The following CAMKMT variants were observed in gnomAD, a reference collection of about 807,000 sequenced individuals.
The protein encoded by CAMKMT is CaM KMT.
Under a neutral mutation model 48.0 loss-of-function variants are expected in CAMKMT, and 53 were observed. The ratio of observed to expected loss-of-function variants is 1.10; its 90% confidence interval spans 0.89 to 1.39. The LOEUF (loss-of-function observed/expected upper bound fraction) is 1.39. CAMKMT is among the 40% of genes most tolerant of loss of function. The pLI, the probability that CAMKMT is intolerant of heterozygous loss-of-function variation, is 0.00. For synonymous variants in CAMKMT, 165 were observed against 152.3 expected, an observed-to-expected ratio of 1.08 and a Z score of -0.61; for missense variants, 428 against 402.7, an observed-to-expected ratio of 1.06 and a Z score of -0.54.
At chr2:44,659,075 G>GTTTTT (rs1192483405) in intron 3 of CAMKMT, among the ~76,000 whole-genome samples, 6 of 86,336 alleles carry the variant, frequency 6.9e-5, no homozygotes, top group African/African-American at 9.4e-5. Context: ...TGTGTGTGTA[G>GTTTTT]TTTTTTTTTT....
intron 3 of CAMKMT, among the ~76,000 whole-genome samples, chr2:44,403,999 C>T (rs1254378563): frequency 1.3e-5 from 2 of 152,126 alleles, no homozygotes; most frequent in African/African-American, 4.8e-5. Context: ...TTGGTCCTTT[C>T]TATGTTTACC....
intron 3 of CAMKMT, among the ~76,000 whole-genome samples, chr2:44,603,586 C>T (rs1279923562): frequency 1.8e-4 from 28 of 152,314 alleles, no homozygotes; most frequent in Middle Eastern, 3.4e-3. Context: ...TTTCTGCTTA[C>T]TTCACTAGAG....
intron 3 of CAMKMT, among the ~76,000 whole-genome samples, chr2:44,417,046 A>T (rs1356747186): frequency 6.6e-6 from 1 of 151,462 alleles, no homozygotes; most frequent in Non-Finnish European, 1.5e-5. Context: ...TGATCCTCCT[A>T]CCTTAGCCTC....
intron 3 of CAMKMT, among the ~76,000 whole-genome samples, chr2:44,553,179 G>A (rs571038351): frequency 1.3e-5 from 2 of 152,122 alleles, no homozygotes; most frequent in Non-Finnish European, 2.9e-5. Flanking sequence ...TGACCAATAC[G>A]ATACTATACT....
At chr2:44,564,153 C>G (rs1308323356) in intron 3 of CAMKMT, among the ~76,000 whole-genome samples, 3 of 150,006 alleles carry the variant, frequency 2.0e-5, no homozygotes, top group Non-Finnish European at 4.4e-5. Context: ...AGTTGGGGTT[C>G]AAAGCATACT....
At chr2:44,656,365 T>TTA (rs1553433140) in intron 3 of CAMKMT, among the ~76,000 whole-genome samples, 16 of 151,938 alleles carry the variant, frequency 1.1e-4, no homozygotes, top group African/African-American at 3.9e-4. Flanking sequence ...CTTTTTTTTT[T>TTA]AAAAAAATGA....
intron 10 of CAMKMT, among the ~76,000 whole-genome samples, chr2:44,768,856 C>G (rs576927360): frequency 2.6e-5 from 4 of 152,256 alleles, no homozygotes; most frequent in African/African-American, 9.6e-5. Context: ...GCGGCGTTTT[C>G]CTTCAGGCTG....
intron 3 of CAMKMT, among the ~76,000 whole-genome samples, chr2:44,543,947 G>A (rs1009893604): frequency 6.6e-6 from 1 of 152,056 alleles, no homozygotes; most frequent in Non-Finnish European, 1.5e-5. Context: ...CTGTTCAGAA[G>A]GTAGCAAATA....
chr2:44,401,889 C>G (rs1251775174), intron 3 of CAMKMT, among the ~76,000 whole-genome samples: 1 of 152,086 alleles, frequency 6.6e-6, no homozygotes, highest in Admixed American at 6.5e-5. Context: ...CATTTCATTT[C>G]TTTTGTTTTG....
At chr2:44,395,035 G>A in intron 3 of CAMKMT, 1 of 442,380 alleles carries the variant, frequency 2.3e-6, no homozygotes, top group Non-Finnish European at 4.5e-6. Context: ...GGTTTTTCTA[G>A]AGGAAAAAAA....
chr2:44,616,285 A>G (rs572337889), intron 3 of CAMKMT, among the ~76,000 whole-genome samples: 21 of 152,288 alleles, frequency 1.4e-4, no homozygotes, highest in African/African-American at 5.1e-4. Context: ...CCCTGTTGCA[A>G]TGTATTTTTA....
intron 3 of CAMKMT, among the ~76,000 whole-genome samples, chr2:44,498,895 T>C (rs2104735056): frequency 6.6e-6 from 1 of 152,298 alleles, no homozygotes; most frequent in East Asian, 1.9e-4. Context: ...CTTTCAAGTC[T>C]TGAATTTTGT....
At chr2:44,402,740 G>GTTTTTTTTTTTTTTTTTTTTTTCTTT in intron 3 of CAMKMT, among the ~76,000 whole-genome samples, 3 of 94,104 alleles carry the variant, frequency 3.2e-5, no homozygotes, top group African/African-American at 4.1e-5. Flanking sequence ...TTGTTTTGCT[G>GTTTTTTTTTTTTTTTTTTTTTTCTTT]TTTTTTTTTT....
rs947825894 is a variant in CAMKMT, at chr2:44,772,297, C to T, written c.*184C>T. 18 of 545,624 alleles carry T rather than the reference C, an allele frequency of 3.3e-5. No homozygotes were observed. The highest frequency in any genetic ancestry group is 1.0e-4 in the South Asian group (4 of 38,654). The allele number at this position is 545,624 out of a possible 1,614,324, so 33.8% of individuals were successfully genotyped here. A position where few individuals can be genotyped will look rare whatever the true frequency, so the allele number is the denominator to read the frequency against. On this transcript the variant is annotated 3_prime_UTR_variant, in exon 11 of 11. Coordinates refer to ENST00000378494, the MANE Select transcript of CAMKMT (RefSeq NM_024766.5). Reference sequence around the variant, plus strand: ...CAGCTGCCCTCTCCAGCTCCCTCCCCGCCTCTTTTTACACTCTGCTTGTTG... The same window carrying T: ...CAGCTGCCCTCTCCAGCTCCCTCCCTGCCTCTTTTTACACTCTGCTTGTTG...
intron 6 of CAMKMT, among the ~76,000 whole-genome samples, chr2:44,714,919 C>T (rs979299636): frequency 1.1e-4 from 17 of 152,124 alleles, no homozygotes; most frequent in African/African-American, 3.1e-4. Flanking sequence ...ATTGGCCAGG[C>T]GCAGTGGCTC....
chr2:44,708,470 T>C (rs1019871776), intron 6 of CAMKMT, among the ~76,000 whole-genome samples: 6 of 151,944 alleles, frequency 3.9e-5, no homozygotes, highest in Non-Finnish European at 7.4e-5. Flanking sequence ...TCAGTAACAC[T>C]TGTATGCTCT....
rs78847238 is a variant in CAMKMT, at chr2:44,667,667, C to T, written c.377-36616C>T. Among the ~76,000 whole-genome samples, 67 of 152,282 alleles carry T rather than the reference C, an allele frequency of 4.4e-4. 1 individual carries two copies. The highest frequency in any genetic ancestry group is 4.0e-3 in the Admixed American group (61 of 15,284). On this transcript the variant is annotated intron_variant, in intron 3 of 10. Coordinates refer to ENST00000378494, the MANE Select transcript of CAMKMT (RefSeq NM_024766.5). ...GCACACCCTCTTAGCTACCTACCCC[C>T]GCAGTCATACCCCAGACCTTGTCAT...
rs577896510 is a variant in CAMKMT at position 44,528,104 on chromosome 2, G to A, written c.376+137799G>A. On this transcript the variant is annotated intron_variant, in intron 3 of 10. Transcript: ENST00000378494. ...TTGGTGCAGCAAACCAGTTGGGAAG[G>A]ATGTAGTCAAAATTCCCAGTCTCTT... Among the ~76,000 whole-genome samples, 7 of 152,214 alleles carry A rather than the reference G, an allele frequency of 4.6e-5. No homozygotes were observed. The South Asian group carries it at 1.5e-3, about 32-fold the overall frequency.
At chr2:44,575,013 C>G (rs1321630560) in intron 3 of CAMKMT, among the ~76,000 whole-genome samples, 1 of 152,100 alleles carries the variant, frequency 6.6e-6, no homozygotes, top group Non-Finnish European at 1.5e-5. Flanking sequence ...ACCTTAGCCT[C>G]CCAAAGTGCT....
Sources: allele counts gnomAD v4.1 joint callset (sites outside exome capture counted in the v4.1 genomes callset), GRCh38; gene constraint gnomAD v4.1.1; transcripts MANE v1.5; gene names NCBI Gene and HGNC (gene_info 2026-07-23, HGNC 2026-07-21).